Variants in AGO4 observed in about 807,000 individuals in gnomAD.
AGO4 encodes protein argonaute-4.
In AGO4, 33 loss-of-function variants were observed where a neutral mutation model predicts 104.7. The observed-to-expected ratio is 0.32, with a 90% CI of 0.24 to 0.42. The LOEUF is 0.42. Ranked by LOEUF, AGO4 falls within the 10% of genes least tolerant of loss-of-function variation. The probability of loss-of-function intolerance (pLI) is 1.00; values close to 1 mark genes in which losing one functional copy is unlikely to be tolerated. For missense variants in AGO4, 711 were observed against 1,083.4 expected (o/e 0.66, Z 4.83); for synonymous variants, 331 against 364.7 (o/e 0.91, Z 1.05).
At chr1:35,842,647 CA>C (rs1296355107) in intron 15 of AGO4, among the ~76,000 whole-genome samples, 1 of 152,034 alleles carries the variant, frequency 6.6e-6, no homozygotes, top group African/African-American at 2.4e-5. Flanking sequence ...ACTGAAAATA[CA>C]AAAATTAGCT....
At chr1:35,834,303 C>G (rs1399594303) in intron 12 of AGO4, 129 bp downstream of exon 12, 4 of 848,690 alleles carry the variant, frequency 4.7e-6, no homozygotes, top group Non-Finnish European at 6.5e-6. Flanking sequence ...AGATTTGTTT[C>G]TTGCTCCTGT....
intron 7 of AGO4, among the ~76,000 whole-genome samples, chr1:35,830,296 A>T (rs914461646): frequency 1.3e-5 from 2 of 152,196 alleles, no homozygotes; most frequent in African/African-American, 4.8e-5. Context: ...TTGTCTCCAG[A>T]TCCACATGTA....
intron 17 of AGO4, among the ~76,000 whole-genome samples, chr1:35,853,054 T>C (rs1644740378): frequency 6.6e-6 from 1 of 151,944 alleles, no homozygotes. Flanking sequence ...ATCGAGACCA[T>C]CCTGGCTAAC....
At chr1:35,818,515 T>C (rs991978727) in intron 2 of AGO4, among the ~76,000 whole-genome samples, 1 of 151,968 alleles carries the variant, frequency 6.6e-6, no homozygotes, top group Non-Finnish European at 1.5e-5. Context: ...TCCCAGCTAC[T>C]TGGGAGGCTG....
chr1:35,851,242 A>T, intron 17 of AGO4, 189 bp downstream of exon 17: 1 of 627,058 alleles, frequency 1.6e-6, no homozygotes. Context: ...AGGCTTGTTT[A>T]TACTTGTGTT....
intron 3 of AGO4, among the ~76,000 whole-genome samples, chr1:35,823,497 C>T (rs547124262): frequency 7.2e-5 from 11 of 152,226 alleles, no homozygotes; most frequent in Admixed American, 5.9e-4. Context: ...GCGATCTCGG[C>T]GCAGTGCAAC....
intron 15 of AGO4, among the ~76,000 whole-genome samples, chr1:35,847,834 G>T (rs1256890894): frequency 6.6e-6 from 1 of 151,468 alleles, no homozygotes; most frequent in African/African-American, 2.4e-5. Context: ...TTTGTGTCAG[G>T]TCTTTAAAAT....
rs997696141 is a variant in AGO4, at chr1:35,856,325, G to A, written c.*2720G>A. ...TGAATGCATAGTTTTACTTTAATTC[G>A]GCTTGACAATTTGAATAGGTAACCC... On this transcript the variant is annotated 3_prime_UTR_variant, in exon 18 of 18. Coordinates refer to ENST00000373210, the MANE Select transcript of AGO4 (RefSeq NM_017629.4). The A allele has an allele frequency of 6.6e-6, 1 of 152,128 alleles. No homozygotes were observed. The highest frequency in any genetic ancestry group is 1.5e-5 in the Non-Finnish European group (1 of 68,032). 9.4% of individuals were successfully genotyped at this position (152,128 alleles called of 1,614,324 possible). A position where few individuals can be genotyped will look rare whatever the true frequency, so the allele number is the denominator to read the frequency against.
intron 2 of AGO4, among the ~76,000 whole-genome samples, chr1:35,821,867 C>T (rs766940372): frequency 6.6e-5 from 10 of 151,722 alleles, no homozygotes; most frequent in Non-Finnish European, 1.2e-4. Flanking sequence ...GATTCTCTTT[C>T]TCAAAACCAA....
chr1:35,850,780 C>CAAAAAAAAA (rs796652586), intron 16 of AGO4, 74 bp from the exon 17 acceptor site: 97 of 542,076 alleles, frequency 1.8e-4, no homozygotes, highest in East Asian at 6.1e-4. Flanking sequence ...GACTCCATCT[C>CAAAAAAAAA]AAAAAAAAAA....
chr1:35,852,758 ATTCTGTT>A (rs1644732138), intron 17 of AGO4, among the ~76,000 whole-genome samples: 1 of 152,094 alleles, frequency 6.6e-6, no homozygotes, highest in Non-Finnish European at 1.5e-5. Flanking sequence ...AAAATATAGG[ATTCTGTT>A]AAAGCATGTT....
At chr1:35,847,361 G>A (rs1200632318) in intron 15 of AGO4, among the ~76,000 whole-genome samples, 1 of 151,988 alleles carries the variant, frequency 6.6e-6, no homozygotes, top group Non-Finnish European at 1.5e-5. Flanking sequence ...AGCCTCCCGA[G>A]TAGCTGGGAT....
At chr1:35,823,829 C>T (rs1317216821) in intron 3 of AGO4, among the ~76,000 whole-genome samples, 4 of 151,156 alleles carry the variant, frequency 2.6e-5, no homozygotes, top group African/African-American at 9.7e-5. Context: ...GGTGATCCAC[C>T]ATCTCAGCCT....
In AGO4 at chr1:35,841,930, C is replaced by T. The variant is rs1344157513; in HGVS notation, c.2175+180C>T. Among the ~76,000 whole-genome samples the T allele has an allele frequency of 6.6e-6, 1 of 150,764 alleles. No individual in the cohort carries two copies. Among genetic ancestry groups the T allele is most frequent in the Non-Finnish European group, 1.5e-5 (1 of 67,854 alleles). ...TTTAGATGACCAATTCTGAATGATA[C>T]GAGTTTTGAGACTGAATATTTTATT... On this transcript the variant is annotated intron_variant, in intron 15 of 17. Transcript: ENST00000373210. This position sits in a 1 kb window ranked among gnomAD's most constrained non-coding sequence, Gnocchi z 4.7.
intron 16 of AGO4, 70 bp from the exon 17 acceptor site, chr1:35,850,784 A>AG: frequency 1.1e-6 from 1 of 874,230 alleles, no homozygotes; most frequent in African/African-American, 2.3e-5. Flanking sequence ...CCATCTCAAA[A>AG]AAAAAAAAAA....
At chr1:35,817,601 G>A (rs1643753617) in intron 2 of AGO4, among the ~76,000 whole-genome samples, 1 of 152,088 alleles carries the variant, frequency 6.6e-6, no homozygotes, top group Non-Finnish European at 1.5e-5. Context: ...GAATTTACCT[G>A]GTGTGAAGAC....
chr1:35,856,304 T>C lies in AGO4; in HGVS notation c.*2699T>C, dbSNP rs1644814680. 6.6e-6 allele frequency: 1 copy of C among 152,240 alleles called. No homozygotes were observed. The highest frequency in any genetic ancestry group is 1.5e-5 in the Non-Finnish European group (1 of 68,054). 9.4% of individuals were successfully genotyped at this position (152,240 alleles called of 1,614,324 possible). On this transcript the variant is annotated 3_prime_UTR_variant, in exon 18 of 18. Coordinates refer to ENST00000373210, the MANE Select transcript of AGO4 (RefSeq NM_017629.4). Reference sequence around the variant, plus strand: ...CAATATGATTGCAAGCAAGTCTGAATGCATAGTTTTACTTTAATTCGGCTT... The same window carrying C: ...CAATATGATTGCAAGCAAGTCTGAACGCATAGTTTTACTTTAATTCGGCTT...
At chr1:35,848,223 C>G (rs1644618847) in intron 15 of AGO4, among the ~76,000 whole-genome samples, 2 of 152,172 alleles carry the variant, frequency 1.3e-5, no homozygotes. Flanking sequence ...GTGTATATAT[C>G]AGTAATTTGC....
At chr1:35,852,077 C>T (rs1009849923) in intron 17 of AGO4, among the ~76,000 whole-genome samples, 1 of 152,048 alleles carries the variant, frequency 6.6e-6, no homozygotes, top group African/African-American at 2.4e-5. Flanking sequence ...GAACAAGGGA[C>T]ACAAAGGGGA....
Sources: gnomAD v4.1 joint callset for allele counts (sites outside exome capture counted in the v4.1 genomes callset) on GRCh38, gnomAD v4.1.1 for gene constraint, Gnocchi (gnomAD v3.1) non-coding constraint, MANE v1.5 for transcripts, NCBI Gene and HGNC (gene_info 2026-07-23, HGNC 2026-07-21) for gene names.